The following FRAS1 variants were observed in gnomAD, a reference collection of about 807,000 sequenced individuals.
FRAS1 encodes the protein Fraser extracellular matrix complex subunit 1, also known as extracellular matrix organizing protein FRAS1.
FRAS1 carries 290 observed loss-of-function variants against 435.2 expected under a neutral mutation model. That is an observed-to-expected ratio of 0.67 (90% CI 0.61 to 0.73). The LOEUF (loss-of-function observed/expected upper bound fraction) is 0.73. Among genes scored for constraint, FRAS1 ranks in the 30% least tolerant of loss-of-function variants. FRAS1 has a pLI of 0.00. For synonymous variants in FRAS1, 1,800 were observed against 1,851.0 expected, an observed-to-expected ratio of 0.97 and a Z score of 0.71; for missense variants, 4,860 against 5,001.5, an observed-to-expected ratio of 0.97 and a Z score of 0.85.
intron 2 of FRAS1, among the ~76,000 whole-genome samples, chr4:78,193,266 T>A (rs4293812): frequency 0.68 from 103,224 of 151,932 alleles, 35,268 homozygotes; most frequent in African/African-American, 0.74. Flanking sequence ...GGGTGGAGAG[T>A]TCTGCAGATG....
intron 73 of FRAS1, among the ~76,000 whole-genome samples, chr4:78,540,145 TA>T (rs1281796682): frequency 6.6e-6 from 1 of 152,250 alleles, no homozygotes; most frequent in Non-Finnish European, 1.5e-5. Context: ...CAATAAATAG[TA>T]AATTGGCATA....
At chr4:78,241,672 G>T (rs1725009338) in intron 3 of FRAS1, among the ~76,000 whole-genome samples, 1 of 152,062 alleles carries the variant, frequency 6.6e-6, no homozygotes, top group South Asian at 2.1e-4. Flanking sequence ...AAGACTGGAA[G>T]GTAAAGAAGT....
intron 19 of FRAS1, among the ~76,000 whole-genome samples, chr4:78,336,676 T>G (rs563002979): frequency 6.6e-6 from 1 of 152,210 alleles, no homozygotes; most frequent in Non-Finnish European, 1.5e-5. Context: ...TTATCTTCTC[T>G]TGGCCTCTTG....
chr4:78,176,695 G>A (rs990118755), intron 2 of FRAS1, among the ~76,000 whole-genome samples: 17 of 152,194 alleles, frequency 1.1e-4, no homozygotes, highest in African/African-American at 4.1e-4. Flanking sequence ...AGTGTGGCTG[G>A]GGAGAGGAAT....
chr4:78,439,249 A>T (rs1364517917), intron 40 of FRAS1, among the ~76,000 whole-genome samples, 185 bp downstream of exon 40: 3 of 152,270 alleles, frequency 2.0e-5, no homozygotes, highest in African/African-American at 7.2e-5. Flanking sequence ...ATAAATATGC[A>T]GAAGATCAAA....
intron 2 of FRAS1, among the ~76,000 whole-genome samples, chr4:78,144,748 C>G (rs1232008325): frequency 6.6e-6 from 1 of 152,114 alleles, no homozygotes; most frequent in Non-Finnish European, 1.5e-5. Context: ...TTTTTGTTCA[C>G]TTAACACTAC....
intron 50 of FRAS1, 126 bp downstream of exon 50, chr4:78,466,561 G>T: frequency 1.5e-6 from 1 of 674,976 alleles, no homozygotes; most frequent in Non-Finnish European, 2.5e-6. Context: ...ATTGACCTTG[G>T]GCAAATTACA....
chr4:78,259,867 C>T (rs1443532077), intron 6 of FRAS1, among the ~76,000 whole-genome samples: 1 of 152,066 alleles, frequency 6.6e-6, no homozygotes, highest in African/African-American at 2.4e-5. Flanking sequence ...TTTAATCCAT[C>T]TTGAATTGAT....
At chr4:78,425,129 T>A (rs546194695) in intron 35 of FRAS1, among the ~76,000 whole-genome samples, 30 of 142,224 alleles carry the variant, frequency 2.1e-4, no homozygotes, top group Non-Finnish European at 3.8e-4. Flanking sequence ...ATAATAATAA[T>A]AAATATAAAG....
In FRAS1 at chr4:78,479,523, A is replaced by T; in HGVS notation, c.8248A>T (p.Met2750Leu). The change falls in exon 56 of 74, where the codon ATG (methionine) becomes TTG (leucine). Residue 2750 changes from methionine to leucine, a missense_variant. By Grantham distance (15) the Met-to-Leu change is conservative. Coordinates refer to ENST00000512123, the MANE Select transcript of FRAS1 (RefSeq NM_025074.7). The part of the protein sequence containing the change: ...SRVIFGPGVT[M>L]STCDVMLIDD... The stretch of plus-strand genomic sequence containing the variant: ...TGTGATATTCGGGCCTGGTGTGACC[A>T]TGTCCACCTGTGATGTCATGCTTAT... 2 of 1,613,968 alleles carry T rather than the reference A, an allele frequency of 1.2e-6. No homozygotes were observed. Among genetic ancestry groups the T allele is most frequent in the Non-Finnish European group, 8.5e-7 (1 of 1,179,830 alleles).
At chr4:78,259,415 G>A (rs1173442481) in intron 6 of FRAS1, among the ~76,000 whole-genome samples, 1 of 147,622 alleles carries the variant, frequency 6.8e-6, no homozygotes, top group Non-Finnish European at 1.5e-5. Context: ...GGTGTGAGAT[G>A]GTATCTCATT....
intron 6 of FRAS1, among the ~76,000 whole-genome samples, chr4:78,260,362 G>A (rs1203210910): frequency 1.1e-4 from 17 of 152,180 alleles, no homozygotes; most frequent in African/African-American, 2.9e-4. Flanking sequence ...ATTTGTTTGT[G>A]TCCTCTTTTA....
rs555978194 is a variant in FRAS1, at chr4:78,338,809, G to A, written c.2422+992G>A. Among the ~76,000 whole-genome samples the A allele has an allele frequency of 1.2e-3, 176 of 152,304 alleles. 2 individuals are homozygous for A. Among genetic ancestry groups the A allele is most frequent in the Middle Eastern group, 3.4e-3 (1 of 294 alleles). ...CGGTCTGGTGGATTGAGGGTGGGGCGGGGCACAGCAAGTCAGTGGCTGTGC... is the reference window on the plus strand; with the variant it reads ...CGGTCTGGTGGATTGAGGGTGGGGCAGGGCACAGCAAGTCAGTGGCTGTGC... On this transcript the variant is annotated intron_variant, in intron 20 of 73. Transcript: ENST00000512123.
chr4:78,494,996 C>G lies in FRAS1; in HGVS notation c.8959-1809C>G, dbSNP rs916407226. On this transcript the variant is annotated intron_variant, in intron 59 of 73. Transcript: ENST00000512123. Reference sequence around the variant, plus strand: ...CTATAACCCTATATTCTCTTCAAAACGAGCATTATTCATCTTTTGAATTTT... The same window carrying G: ...CTATAACCCTATATTCTCTTCAAAAGGAGCATTATTCATCTTTTGAATTTT... 2.0e-5 allele frequency among the ~76,000 whole-genome samples: 3 copies of G among 152,212 alleles called. No homozygotes were observed. The South Asian group carries it at 6.2e-4, about 32-fold the overall frequency.
At chr4:78,210,107 C>G (rs1300863346) in intron 2 of FRAS1, among the ~76,000 whole-genome samples, 9 of 152,204 alleles carry the variant, frequency 5.9e-5, no homozygotes, top group Admixed American at 5.9e-4. Flanking sequence ...TGCTATTCCA[C>G]TTCACACCCC....
intron 49 of FRAS1, among the ~76,000 whole-genome samples, chr4:78,465,314 T>A (rs1719492713): frequency 6.6e-6 from 1 of 152,106 alleles, no homozygotes; most frequent in Non-Finnish European, 1.5e-5. Flanking sequence ...CTATCTTTGT[T>A]TGGGGGAAAG....
chr4:78,204,542 G>T (rs1204887853), intron 2 of FRAS1, among the ~76,000 whole-genome samples: 1 of 152,170 alleles, frequency 6.6e-6, no homozygotes, highest in Non-Finnish European at 1.5e-5. Flanking sequence ...TTATCAAAGA[G>T]ATTTAAGGGC....
intron 2 of FRAS1, among the ~76,000 whole-genome samples, chr4:78,205,288 A>G (rs1264975022): frequency 2.1e-5 from 3 of 144,304 alleles, no homozygotes; most frequent in Non-Finnish European, 3.0e-5. Context: ...TGCAGCTTGG[A>G]GTTCATAGGC....
At chr4:78,415,195 G>A (rs147113501) in intron 32 of FRAS1, among the ~76,000 whole-genome samples, 158 of 152,154 alleles carry the variant, frequency 1.0e-3, no homozygotes, top group African/African-American at 3.7e-3. Context: ...ACAATGTTTG[G>A]TTTTCCATTC....
Sources: gnomAD v4.1 joint callset for allele counts (sites outside exome capture counted in the v4.1 genomes callset) on GRCh38, gnomAD v4.1.1 for gene constraint, MANE v1.5 for transcripts, NCBI Gene and HGNC (gene_info 2026-07-23, HGNC 2026-07-21) for gene names.